The following IPCEF1 variants were observed in gnomAD, a reference collection of about 807,000 sequenced individuals.
IPCEF1 encodes the protein interactor protein for cytohesin exchange factors 1.
Under a neutral mutation model 50.9 loss-of-function variants are expected in IPCEF1, and 31 were observed. The observed-to-expected ratio is 0.61, with a 90% CI of 0.46 to 0.82. The LOEUF is 0.82. Among genes scored for constraint, IPCEF1 ranks in the 40% least tolerant of loss-of-function variants. The pLI, the probability that IPCEF1 is intolerant of heterozygous loss-of-function variation, is 0.00. For synonymous variants in IPCEF1, 181 were observed against 192.0 expected (o/e 0.94, Z 0.47); for missense variants, 458 against 514.0 (o/e 0.89, Z 1.05).
At chr6:154,208,391 C>T (rs141392741) in intron 9 of IPCEF1, among the ~76,000 whole-genome samples, 1 of 152,174 alleles carries the variant, frequency 6.6e-6, no homozygotes, top group African/African-American at 2.4e-5. Context: ...AGCTCTCAGT[C>T]GGACGTGTCC....
At chr6:154,257,306 T>C (rs1193778968) in intron 3 of IPCEF1, among the ~76,000 whole-genome samples, 1 of 152,146 alleles carries the variant, frequency 6.6e-6, no homozygotes, top group Non-Finnish European at 1.5e-5. Flanking sequence ...CCTAGCTAGC[T>C]CTCCCCACAT....
chr6:154,212,993 T>A (rs1261817188), intron 8 of IPCEF1, 138 bp from the exon 9 acceptor site: 3 of 663,016 alleles, frequency 4.5e-6, no homozygotes, highest in East Asian at 2.7e-5. Context: ...AACTACCTGG[T>A]AACTACCTGG....
chr6:154,202,909 A>C (rs1777187443), intron 9 of IPCEF1, among the ~76,000 whole-genome samples: 1 of 152,234 alleles, frequency 6.6e-6, no homozygotes, highest in African/African-American at 2.4e-5. Flanking sequence ...GAGGAAAAGG[A>C]AAATGAGAAA....
intron 1 of IPCEF1, among the ~76,000 whole-genome samples, chr6:154,327,268 G>A (rs1235455938): frequency 6.6e-6 from 1 of 152,086 alleles, no homozygotes; most frequent in Non-Finnish European, 1.5e-5. Context: ...TATCATCAGA[G>A]TGAATAGAAA....
chr6:154,218,525 T>A (rs1473199940), intron 7 of IPCEF1, among the ~76,000 whole-genome samples: 1 of 151,974 alleles, frequency 6.6e-6, no homozygotes, highest in Non-Finnish European at 1.5e-5. Flanking sequence ...ACCCACTCCC[T>A]CCCCCACACC....
At chr6:154,323,940 C>T (rs1410076425) in intron 1 of IPCEF1, among the ~76,000 whole-genome samples, 2 of 152,102 alleles carry the variant, frequency 1.3e-5, no homozygotes, top group Admixed American at 6.6e-5. Context: ...ATGACAAAAG[C>T]AAAACTCCAT....
chr6:154,297,100 T>C (rs184379433), intron 1 of IPCEF1, among the ~76,000 whole-genome samples: 1 of 152,166 alleles, frequency 6.6e-6, no homozygotes, highest in East Asian at 1.9e-4. Context: ...CAGCCTGGCA[T>C]GATCATGGCT....
At chr6:154,331,415 AAAAG>A (rs1332221441) in intron 1 of IPCEF1, among the ~76,000 whole-genome samples, 3 of 57,684 alleles carry the variant, frequency 5.2e-5, no homozygotes, top group Non-Finnish European at 6.3e-5. Flanking sequence ...AAGAGAGAGA[AAAAG>A]AAAGAGAGAG....
intron 1 of IPCEF1, among the ~76,000 whole-genome samples, chr6:154,313,067 C>CAAAAAAA (rs71021040): frequency 0.031 from 1,804 of 58,862 alleles, 247 homozygotes; most frequent in African/African-American, 0.046. Context: ...GGCCCTGTCT[C>CAAAAAAA]AAAAAAAAAA....
At position 154,155,785 on chromosome 6, in the gene IPCEF1, A is replaced by G. The variant is rs1798688663; in HGVS notation, c.*4043T>C. The G allele has an allele frequency of 6.6e-6, 1 of 152,262 alleles. No individual in the cohort carries two copies. Among genetic ancestry groups the G allele is most frequent in the Admixed American group, 6.5e-5 (1 of 15,284 alleles). The allele number at this position is 152,262 out of a possible 1,614,324, so 9.4% of individuals were successfully genotyped here. A position where few individuals can be genotyped will look rare whatever the true frequency, so the allele number is the denominator to read the frequency against. On this transcript the variant is annotated 3_prime_UTR_variant, in exon 12 of 12. Coordinates refer to ENST00000367220, the MANE Select transcript of IPCEF1 (RefSeq NM_001130700.2). Reference sequence around the variant, plus strand: ...AACAGAGCAAGACTCTGTCTAAAAAAAGAAAAAAAAAAGTATTTCTTACTA... The same window carrying G: ...AACAGAGCAAGACTCTGTCTAAAAAGAGAAAAAAAAAAGTATTTCTTACTA...
chr6:154,261,825 C>T (rs924962135), intron 3 of IPCEF1, among the ~76,000 whole-genome samples: 6 of 152,094 alleles, frequency 3.9e-5, no homozygotes, highest in East Asian at 1.9e-4. Flanking sequence ...CCCCCTACCC[C>T]CAACAAGATG....
intron 1 of IPCEF1, among the ~76,000 whole-genome samples, chr6:154,331,802 T>C (rs1287907105): frequency 1.3e-5 from 2 of 152,092 alleles, no homozygotes; most frequent in African/African-American, 4.8e-5. Flanking sequence ...CCCTCCCAAG[T>C]GCTGAAAGGC....
chr6:154,304,013 C>T (rs1782866431), intron 1 of IPCEF1, among the ~76,000 whole-genome samples: 1 of 152,066 alleles, frequency 6.6e-6, no homozygotes, highest in South Asian at 2.1e-4. Context: ...GCTCTGGGCC[C>T]AGGAGTTCAA....
rs1381274031 is a variant in IPCEF1, at chr6:154,154,720, T to TA, written c.*5107_*5108insT. The TA allele has an allele frequency of 2.6e-5, 4 of 152,408 alleles. No homozygotes were observed. Among genetic ancestry groups the TA allele is most frequent in the Non-Finnish European group, 5.9e-5 (4 of 68,010 alleles). The allele number at this position is 152,408 out of a possible 1,614,324, so 9.4% of individuals were successfully genotyped here. A position where few individuals can be genotyped will look rare whatever the true frequency, so the allele number is the denominator to read the frequency against. On this transcript the variant is annotated 3_prime_UTR_variant, in exon 12 of 12. Coordinates refer to ENST00000367220, the MANE Select transcript of IPCEF1 (RefSeq NM_001130700.2). ...TTTTCATGTCATTTGCCTAGATATA[T>TA]TTTTTTCTTATTTTTATTTTTATCT...
chr6:154,171,339 A>G (rs1304449187), intron 10 of IPCEF1, among the ~76,000 whole-genome samples: 3 of 152,174 alleles, frequency 2.0e-5, no homozygotes, highest in African/African-American at 7.2e-5. Context: ...CCTTGAAAAC[A>G]TTTTGCTAAG....
rs533968859 is a variant in IPCEF1, at chr6:154,238,317, G to A, written c.246+8274C>T. Reference sequence around the variant, plus strand: ...GTTGCCCAGGCTAGAGTGCAATGGCGCTGTCTCGGCTCACTGCAACCTCTG... The same window carrying A: ...GTTGCCCAGGCTAGAGTGCAATGGCACTGTCTCGGCTCACTGCAACCTCTG... On this transcript the variant is annotated intron_variant, in intron 5 of 11. Transcript: ENST00000367220. 1.3e-3 allele frequency among the ~76,000 whole-genome samples: 205 copies of A among 152,136 alleles called. 2 individuals carry two copies. The highest frequency in any genetic ancestry group is 4.5e-3 in the African/African-American group (187 of 41,478).
intron 5 of IPCEF1, among the ~76,000 whole-genome samples, chr6:154,239,750 C>CTGGA (rs1780428896): frequency 6.6e-6 from 1 of 152,220 alleles, no homozygotes; most frequent in Non-Finnish European, 1.5e-5. Context: ...GTCACCCAGG[C>CTGGA]TGGAGTGCAG....
At chr6:154,258,291 G>A (rs971617840) in intron 3 of IPCEF1, among the ~76,000 whole-genome samples, 1 of 152,116 alleles carries the variant, frequency 6.6e-6, no homozygotes, top group Non-Finnish European at 1.5e-5. Context: ...GTTCACAGAT[G>A]AGGAACTTCA....
intron 1 of IPCEF1, among the ~76,000 whole-genome samples, chr6:154,344,693 C>A (rs1259346888): frequency 6.6e-6 from 1 of 152,188 alleles, no homozygotes; most frequent in Non-Finnish European, 1.5e-5. Flanking sequence ...CATTTTCCTA[C>A]TGACTTTCAT....
Sources: allele counts gnomAD v4.1 joint callset (sites outside exome capture counted in the v4.1 genomes callset), GRCh38; gene constraint gnomAD v4.1.1; transcripts MANE v1.5; gene names NCBI Gene and HGNC (gene_info 2026-07-23, HGNC 2026-07-21).